The following IWS1 variants were observed in gnomAD, a reference collection of about 807,000 sequenced individuals.
IWS1 encodes the protein protein IWS1 homolog.
A neutral mutation model predicts 86.7 loss-of-function variants in IWS1; 27 were observed. That is an observed-to-expected ratio of 0.31 (90% CI 0.23 to 0.43). The LOEUF (loss-of-function observed/expected upper bound fraction) is 0.43, where lower values mean the gene tolerates loss of function less well. IWS1 is among the 20% of genes least tolerant of loss of function. The pLI, the probability that IWS1 is intolerant of heterozygous loss-of-function variation, is 1.00. For synonymous variants in IWS1, 313 were observed against 335.1 expected, an observed-to-expected ratio of 0.93 and a Z score of 0.72; for missense variants, 827 against 1,000.8, an observed-to-expected ratio of 0.83 and a Z score of 2.34.
chr2:127,481,458 A>T (rs1425250915), intron 13 of IWS1, among the ~76,000 whole-genome samples: 2 of 152,066 alleles, frequency 1.3e-5, no homozygotes, highest in African/African-American at 4.8e-5. Flanking sequence ...GGGGAAACTG[A>T]GACTATGATC....
At chr2:127,484,323 CAAAAACA>C (rs1213266916) in intron 13 of IWS1, 1 of 151,848 alleles carries the variant, frequency 6.6e-6, no homozygotes, top group Non-Finnish European at 1.5e-5. Context: ...AAAACAAAAA[CAAAAACA>C]AAAAACAAAA....
chr2:127,485,891 T>C (rs2105021978), intron 13 of IWS1: 1 of 152,806 alleles, frequency 6.5e-6, no homozygotes, highest in East Asian at 1.9e-4. Flanking sequence ...GTATATACTC[T>C]GGTAGGGCCA....
At position 127,481,182 on chromosome 2, in the gene IWS1, G is replaced by A. The variant is rs1160261404; in HGVS notation, c.2329-7C>T. ...TCTTGGAGGTCGCCTGAAACTAAGA[G>A]TAAGGGAAAAATTAAAGAGCAAACT... On this transcript the variant is annotated splice_region_variant and splice_polypyrimidine_tract_variant and intron_variant, in intron 13 of 13. Coordinates refer to ENST00000295321, the MANE Select transcript of IWS1 (RefSeq NM_017969.3). 1 of 1,585,554 alleles carries A rather than the reference G, an allele frequency of 6.3e-7. No homozygotes were observed. Among genetic ancestry groups the A allele is most frequent in the East Asian group, 2.3e-5 (1 of 44,166 alleles).
Position 127,503,527 on chromosome 2 carries a change from A to T in IWS1, c.1269T>A (p.Asp423Glu). ...VVSDADDSDS[D>E]AVSDKSGKRE... ...TTTTGCCTGACTTGTCTGATACAGCATCACTGTCAGAGTCATCTGCATCAG... is the reference window on the plus strand; with the variant it reads ...TTTTGCCTGACTTGTCTGATACAGCTTCACTGTCAGAGTCATCTGCATCAG... Residue 423 changes from aspartate to glutamate, a missense_variant, in exon 4 of 14, where the codon GAT (aspartate) becomes GAA (glutamate). Asp to Glu is a conservative substitution (Grantham distance 45, BLOSUM62 2). This residue lies in a region of IWS1 where 548 missense variants were observed against 560.2 expected (regional missense o/e 0.98). Coordinates refer to ENST00000295321, the MANE Select transcript of IWS1 (RefSeq NM_017969.3). 6.2e-7 allele frequency: 1 copy of T among 1,613,410 alleles called. No individual in the cohort carries two copies. Among genetic ancestry groups the T allele is most frequent in the Non-Finnish European group, 8.5e-7 (1 of 1,179,706 alleles).
Position 127,510,659 on chromosome 2 carries a change from AT to A in IWS1, c.151-4908del, listed in dbSNP as rs1225878539. Among the ~76,000 whole-genome samples the A allele has an allele frequency of 3.9e-3, 563 of 144,476 alleles. 2 individuals are homozygous for A. Among genetic ancestry groups the A allele is most frequent in the African/African-American group, 9.4e-3 (371 of 39,604 alleles). The allele number at this position is 144,476 out of a possible 152,430, so 94.8% of individuals were successfully genotyped here. The stretch of plus-strand genomic sequence containing the variant: ...AAGCACACGCCACCACGTCCGGATA[AT>A]TTTTTTTTTTTTTGTAGAGACAGTC... On this transcript the variant is annotated intron_variant, in intron 2 of 13. Coordinates refer to ENST00000295321, the MANE Select transcript of IWS1 (RefSeq NM_017969.3).
chr2:127,502,805 T>G lies in IWS1; in HGVS notation c.1467+10A>C, dbSNP rs776605491. The G allele has an allele frequency of 2.3e-5, 34 of 1,468,146 alleles. No individual in the cohort carries two copies. Among genetic ancestry groups the G allele is most frequent in the Non-Finnish European group, 3.2e-5 (34 of 1,050,826 alleles). 90.9% of individuals were successfully genotyped at this position (1,468,146 alleles called of 1,614,324 possible). A position where few individuals can be genotyped will look rare whatever the true frequency, so the allele number is the denominator to read the frequency against. On this transcript the variant is annotated intron_variant, in intron 5 of 13. Coordinates refer to ENST00000295321, the MANE Select transcript of IWS1 (RefSeq NM_017969.3). ...CAATCAAGGAGGAAATATTTCCATC[T>G]TATACTTACTGTAAATTCTTCTTCC...
At chr2:127,483,600 T>TGGGGGGGGGGG (rs1558736829) in intron 13 of IWS1, among the ~76,000 whole-genome samples, 1 of 5,880 alleles carries the variant, frequency 1.7e-4, no homozygotes, top group African/African-American at 4.0e-4. Context: ...GTGGGGGGGT[T>TGGGGGGGGGGG]GGGCTGTGTG....
Position 127,493,321 on chromosome 2 carries a change from G to A in IWS1, c.1889C>T (p.Ala630Val). The change falls in exon 9 of 14, where the codon GCA becomes GTA. Residue 630 changes from alanine (A) to valine (V), a missense_variant. Around this residue, in one of 2 missense-constraint regions of IWS1, gnomAD observed 279 missense variants for 440.6 expected, o/e 0.63. Transcript: ENST00000295321. ...CAGCAGCTCCTCCCGGATCTTGAGT[G>A]CAGGCAAACTCCTATCTGGTAGAGG... ...LSPLPDRSLP[A>V]LKIREELLKI... The A allele has an allele frequency of 1.2e-6, 2 of 1,613,544 alleles. No homozygotes were observed. Among genetic ancestry groups the A allele is most frequent in the Non-Finnish European group, 8.5e-7 (1 of 1,179,812 alleles).
chr2:127,503,728 T>C (rs1326713914), intron 3 of IWS1, 152 bp from the exon 4 acceptor site: 1 of 311,682 alleles, frequency 3.2e-6, no homozygotes, highest in African/African-American at 2.2e-5. Context: ...GAGGGCCTCC[T>C]GACACATGGT....
At chr2:127,509,023 T>G (rs1386504333) in intron 2 of IWS1, among the ~76,000 whole-genome samples, 1 of 152,228 alleles carries the variant, frequency 6.6e-6, no homozygotes, top group Non-Finnish European at 1.5e-5. Flanking sequence ...ATGAATTTTT[T>G]ATGAGTTTCA....
At chr2:127,484,220 G>A (rs547655064) in intron 13 of IWS1, among the ~76,000 whole-genome samples, 57 of 152,320 alleles carry the variant, frequency 3.7e-4, no homozygotes, top group African/African-American at 1.4e-3. Flanking sequence ...GCTGAGGCGG[G>A]AGAATGGTGT....
Position 127,483,575 on chromosome 2 carries a change from GCGGGGGGTGGTGGGGT to G in IWS1, c.2329-2416_2329-2401del, listed in dbSNP as rs1172299929. On this transcript the variant is annotated intron_variant, in intron 13 of 13. Coordinates refer to ENST00000295321, the MANE Select transcript of IWS1 (RefSeq NM_017969.3). ...TAACCAAAATTATAATTTGGTCGGGGCGGGGGGTGGTGGGGTGGGGGGGTTGGGCTGTGTGTGTGTG... is the reference window on the plus strand; with the variant it reads ...TAACCAAAATTATAATTTGGTCGGGGGGGGGGGTTGGGCTGTGTGTGTGTG... 2.2e-4 allele frequency among the ~76,000 whole-genome samples: 10 copies of G among 46,044 alleles called. 1 individual carries two copies. The highest frequency in any genetic ancestry group is 7.5e-4 in the African/African-American group (9 of 12,032). 30.2% of individuals were successfully genotyped at this position (46,044 alleles called of 152,430 possible). A position where few individuals can be genotyped will look rare whatever the true frequency, so the allele number is the denominator to read the frequency against.
In IWS1 at chr2:127,499,726, T is replaced by G. The variant is rs940702296; in HGVS notation, c.1468-1489A>C. Among the ~76,000 whole-genome samples the G allele has an allele frequency of 6.6e-6, 1 of 151,970 alleles. No homozygotes were observed. Among genetic ancestry groups the G allele is most frequent in the South Asian group, 2.1e-4 (1 of 4,830 alleles). ...AAATTCATCTACCTTCACTCTCTAT[T>G]GCATTGGTTAAAAATAAGTATTGTT... On this transcript the variant is annotated intron_variant, in intron 5 of 13. Coordinates refer to ENST00000295321, the MANE Select transcript of IWS1 (RefSeq NM_017969.3). The surrounding 1 kb of genome is among the most constrained non-coding windows in gnomAD (Gnocchi z 4.0).
intron 2 of IWS1, among the ~76,000 whole-genome samples, chr2:127,518,390 C>T (rs1375759311): frequency 6.6e-6 from 1 of 152,050 alleles, no homozygotes; most frequent in Non-Finnish European, 1.5e-5. Context: ...CTGGCGCATG[C>T]CTGTGGTCTC....
chr2:127,494,855 G>A lies in IWS1; in HGVS notation c.1799+17C>T. The A allele has an allele frequency of 6.9e-7, 1 of 1,455,572 alleles. No individual in the cohort carries two copies. The allele number at this position is 1,455,572 out of a possible 1,614,324, so 90.2% of individuals were successfully genotyped here. On this transcript the variant is annotated intron_variant, in intron 8 of 13. Coordinates refer to ENST00000295321, the MANE Select transcript of IWS1 (RefSeq NM_017969.3). Reference sequence around the variant, plus strand: ...ATGAAAAGGAAAAAGACATTTTAAAGAAAACAAAATACTTACTTCTTAAGG... The same window carrying A: ...ATGAAAAGGAAAAAGACATTTTAAAAAAAACAAAATACTTACTTCTTAAGG...
intron 13 of IWS1, chr2:127,485,954 A>G (rs1412136319): frequency 1.3e-5 from 2 of 153,732 alleles, no homozygotes; most frequent in African/African-American, 4.8e-5. Context: ...AGCACGATGC[A>G]CTTTGCTGAG....
chr2:127,526,244 C>T lies in IWS1; in HGVS notation c.-36G>A, dbSNP rs1441311542. On this transcript the variant is annotated 5_prime_UTR_variant, in exon 1 of 14. Coordinates refer to ENST00000295321, the MANE Select transcript of IWS1 (RefSeq NM_017969.3). The stretch of plus-strand genomic sequence containing the variant: ...CTCTCAGCGGGGAGTGTCCGCGCCC[C>T]GCGCCGCCCCCGTCACCTCCTTCCA... The T allele has an allele frequency of 6.4e-7, 1 of 1,551,468 alleles. No homozygotes were observed. Among genetic ancestry groups the T allele is most frequent in the South Asian group, 1.2e-5 (1 of 84,294 alleles).
chr2:127,505,204 C>G lies in IWS1; in HGVS notation c.699G>C (p.Gln233His), dbSNP rs777874705. The change falls in exon 3 of 14, where the codon CAG (glutamine) becomes CAC (histidine). Residue 233 changes from glutamine to histidine, a missense_variant. Around this residue, in one of 2 missense-constraint regions of IWS1, gnomAD observed 548 missense variants for 560.2 expected, o/e 0.98. Coordinates refer to ENST00000295321, the MANE Select transcript of IWS1 (RefSeq NM_017969.3). This position sits in a 1 kb window ranked among gnomAD's most constrained non-coding sequence, Gnocchi z 5.0. ...DSESEEPPRH[Q>H]ASDSENEELP... ...GCTCCTCATTTTCAGAGTCACTGGC[C>G]TGGTGCCTTGGGGGTTCCTCACTTT... 1 of 1,613,254 alleles carries G rather than the reference C, an allele frequency of 6.2e-7. No homozygotes were observed. The highest frequency in any genetic ancestry group is 1.1e-5 in the South Asian group (1 of 91,022).
intron 3 of IWS1, among the ~76,000 whole-genome samples, chr2:127,503,916 C>A (rs1263361739): frequency 6.6e-6 from 1 of 152,102 alleles, no homozygotes; most frequent in Non-Finnish European, 1.5e-5. Context: ...AAACTGGCAT[C>A]CTTTCTATGT....
Sources: gnomAD v4.1 joint callset for allele counts (sites outside exome capture counted in the v4.1 genomes callset) on GRCh38, gnomAD v4.1.1 for gene constraint, gnomAD v4.1.1 regional missense constraint, Gnocchi (gnomAD v3.1) non-coding constraint, MANE v1.5 for transcripts, NCBI Gene and HGNC (gene_info 2026-07-23, HGNC 2026-07-21) for gene names.